Variants in CMTM8 observed in about 807,000 individuals in gnomAD.
The protein encoded by CMTM8 is CKLF-like MARVEL transmembrane domain-containing protein 8.
In CMTM8, 12 loss-of-function variants were observed where a neutral mutation model predicts 18.6. The observed-to-expected ratio is 0.65, with a 90% CI of 0.41 to 1.05. CMTM8 has a LOEUF of 1.05. Among genes scored for constraint, CMTM8 ranks in the 50% least tolerant of loss-of-function variants. The probability of loss-of-function intolerance (pLI) is 0.00; values close to 1 mark genes in which losing one functional copy is unlikely to be tolerated. For missense variants in CMTM8, 217 were observed against 227.2 expected (o/e 0.95, Z 0.29); for synonymous variants, 87 against 90.6 (o/e 0.96, Z 0.23).
Position 32,370,073 on chromosome 3 carries a change from G to GT in CMTM8, c.*112dup, listed in dbSNP as rs1695618793. 29 of 580,276 alleles carry GT rather than the reference G, an allele frequency of 5.0e-5. 1 individual carries two copies. The South Asian group carries it at 8.5e-4, about 17-fold the overall frequency. 35.9% of individuals were successfully genotyped at this position (580,276 alleles called of 1,614,324 possible). On this transcript the variant is annotated 3_prime_UTR_variant, in exon 4 of 4. Coordinates refer to ENST00000307526, the MANE Select transcript of CMTM8 (RefSeq NM_178868.5). ...AGAGAATTGTATTTAACTAATTAAT[G>GT]TTTTTTATATTCTTAAATTTGCTCA...
intron 2 of CMTM8, among the ~76,000 whole-genome samples, chr3:32,362,251 C>A (rs1696950953): frequency 6.6e-6 from 1 of 151,912 alleles, no homozygotes; most frequent in Non-Finnish European, 1.5e-5. Flanking sequence ...CCGTGTTAGC[C>A]AGGCTGGTCT....
chr3:32,336,647 A>G (rs1696392376), intron 1 of CMTM8, among the ~76,000 whole-genome samples: 1 of 152,240 alleles, frequency 6.6e-6, no homozygotes, highest in East Asian at 1.9e-4. Context: ...ATTTATTGTC[A>G]TTCAATAAAC....
chr3:32,287,595 G>A (rs1432999967), intron 1 of CMTM8, among the ~76,000 whole-genome samples: 1 of 152,202 alleles, frequency 6.6e-6, no homozygotes, highest in African/African-American at 2.4e-5. Flanking sequence ...CCAATTCAGA[G>A]TAAAGTTAAA....
chr3:32,291,789 A>G (rs971116297), intron 1 of CMTM8, among the ~76,000 whole-genome samples: 2 of 152,214 alleles, frequency 1.3e-5, no homozygotes, highest in East Asian at 1.9e-4. Flanking sequence ...TGTTAAGCCT[A>G]TGATCTAGGT....
chr3:32,332,231 C>T (rs1696291850), intron 1 of CMTM8, among the ~76,000 whole-genome samples: 1 of 152,194 alleles, frequency 6.6e-6, no homozygotes. Context: ...CAGCCCGTCG[C>T]AGTGGACGCA....
chr3:32,240,301 G>GCTTA (rs1701930885), intron 1 of CMTM8, among the ~76,000 whole-genome samples: 1 of 152,220 alleles, frequency 6.6e-6, no homozygotes, highest in South Asian at 2.1e-4. Flanking sequence ...AGAAGTGTTG[G>GCTTA]CTTAGCTCCT....
At position 32,259,355 on chromosome 3, in the gene CMTM8, G is replaced by A. The variant is rs7615626; in HGVS notation, c.147+20236G>A. 13,726 of 749,698 alleles carry A rather than the reference G, an allele frequency of 0.018. 1,139 individuals are homozygous for A. The African/African-American group carries it at 0.19, about 11-fold the overall frequency. The allele number at this position is 749,698 out of a possible 1,614,324, so 46.4% of individuals were successfully genotyped here. The stretch of plus-strand genomic sequence containing the variant: ...GACCATCAAAGACCTGAGGGCTCAG[G>A]TCTTCTCAAATACTGTGGACAATGC... On this transcript the variant is annotated intron_variant, in intron 1 of 3. Coordinates refer to ENST00000307526, the MANE Select transcript of CMTM8 (RefSeq NM_178868.5).
intron 1 of CMTM8, among the ~76,000 whole-genome samples, chr3:32,278,812 G>A (rs1702558530): frequency 6.6e-6 from 1 of 152,176 alleles, no homozygotes; most frequent in South Asian, 2.1e-4. Context: ...TTTACTGAGT[G>A]TTCATTCAGT....
At chr3:32,288,735 C>T (rs547575715) in intron 1 of CMTM8, among the ~76,000 whole-genome samples, 49 of 152,276 alleles carry the variant, frequency 3.2e-4, no homozygotes, top group African/African-American at 1.1e-3. Context: ...CTCCTGACCT[C>T]GTGATATGCC....
intron 1 of CMTM8, among the ~76,000 whole-genome samples, chr3:32,315,595 G>A (rs1363479035): frequency 1.3e-5 from 2 of 152,230 alleles, no homozygotes; most frequent in Non-Finnish European, 2.9e-5. Flanking sequence ...TTCCATGGCT[G>A]AGCAAGGTTG....
intron 1 of CMTM8, among the ~76,000 whole-genome samples, chr3:32,353,250 G>A (rs951277733): frequency 4.6e-5 from 7 of 152,186 alleles, no homozygotes; most frequent in East Asian, 3.9e-4. Context: ...TGCCTCAGCC[G>A]CCCAAAATGC....
chr3:32,366,472 TTCATTCATTC>T (rs1461629985), intron 2 of CMTM8, among the ~76,000 whole-genome samples: 5 of 152,200 alleles, frequency 3.3e-5, no homozygotes, highest in African/African-American at 9.6e-5. Flanking sequence ...TGAATTCTCT[TTCATTCATTC>T]TCATTCATTC....
In CMTM8 at chr3:32,244,630, A is replaced by G. The variant is rs77099800; in HGVS notation, c.147+5511A>G. ...GCTGTTTGCTTTTACTATGCCGTGA[A>G]CATTTTTCAGGGTCTTGGACCTTTT... is the stretch of plus-strand genomic sequence containing the variant. On this transcript the variant is annotated intron_variant, in intron 1 of 3. Transcript: ENST00000307526. Among the ~76,000 whole-genome samples the G allele has an allele frequency of 5.4e-3, 819 of 152,272 alleles. 2 individuals are homozygous for G. Among genetic ancestry groups the G allele is most frequent in the African/African-American group, 0.019 (772 of 41,546 alleles).
At chr3:32,280,049 T>G (rs1320044701) in intron 1 of CMTM8, among the ~76,000 whole-genome samples, 1 of 149,590 alleles carries the variant, frequency 6.7e-6, no homozygotes, top group Non-Finnish European at 1.5e-5. Flanking sequence ...GTGATTTTTT[T>G]AAGAAACCAT....
intron 1 of CMTM8, among the ~76,000 whole-genome samples, chr3:32,257,912 T>C (rs1702195208): frequency 6.6e-6 from 1 of 152,052 alleles, no homozygotes; most frequent in Non-Finnish European, 1.5e-5. Flanking sequence ...AAAGGAAATA[T>C]TGGCAGGGCT....
At chr3:32,267,321 G>A (rs1173897867) in intron 1 of CMTM8, among the ~76,000 whole-genome samples, 2 of 152,098 alleles carry the variant, frequency 1.3e-5, no homozygotes, top group African/African-American at 4.8e-5. Flanking sequence ...TCTGATCTTT[G>A]ACAAACCTGA....
chr3:32,266,716 G>A (rs1417970857), intron 1 of CMTM8, among the ~76,000 whole-genome samples: 2 of 152,180 alleles, frequency 1.3e-5, no homozygotes, highest in Non-Finnish European at 2.9e-5. Context: ...CATCATCTCA[G>A]CCCAAAATCT....
intron 1 of CMTM8, among the ~76,000 whole-genome samples, chr3:32,328,668 A>AT (rs1250728215): frequency 6.6e-6 from 1 of 152,146 alleles, no homozygotes; most frequent in Non-Finnish European, 1.5e-5. Flanking sequence ...AAGAAAAGAC[A>AT]TTGCTAAAAA....
intron 1 of CMTM8, among the ~76,000 whole-genome samples, chr3:32,333,040 C>T (rs185112625): frequency 3.2e-4 from 49 of 152,246 alleles, no homozygotes; most frequent in African/African-American, 1.1e-3. Context: ...AGTTGGCAAA[C>T]TGTAAAGGGC....
Sources: allele counts gnomAD v4.1 joint callset (sites outside exome capture counted in the v4.1 genomes callset), GRCh38; gene constraint gnomAD v4.1.1; transcripts MANE v1.5; gene names NCBI Gene and HGNC (gene_info 2026-07-23, HGNC 2026-07-21).